Variants in POR observed in about 807,000 individuals in gnomAD.
The protein encoded by POR is NADPH--cytochrome P450 reductase.
In POR, 56 loss-of-function variants were observed where a neutral mutation model predicts 84.0. The observed-to-expected ratio is 0.67, with a 90% confidence interval of 0.54 to 0.83. POR has a LOEUF of 0.83. Ranked by LOEUF, POR falls within the 40% of genes least tolerant of loss-of-function variation. The probability of loss-of-function intolerance (pLI) is 0.00; values close to 1 mark genes in which losing one functional copy is unlikely to be tolerated. For synonymous variants in POR, 414 were observed against 400.5 expected (o/e 1.03, Z -0.40); for missense variants, 938 against 944.3 (o/e 0.99, Z 0.09).
intron 1 of POR, chr7:75,918,557 ATCT>A (rs1806691490): frequency 6.6e-6 from 1 of 152,070 alleles, no homozygotes; most frequent in African/African-American, 2.4e-5. Flanking sequence ...GTCCTTCTTC[ATCT>A]TCTTGGCGCT....
intron 3 of POR, 131 bp from the exon 4 acceptor site, chr7:75,979,320 A>T: frequency 9.2e-7 from 1 of 1,085,442 alleles, no homozygotes; most frequent in Non-Finnish European, 1.3e-6. Context: ...GGAACTTAGA[A>T]GGGACTCAAA....
chr7:75,923,161 A>G, intron 1 of POR: 1 of 1,094,768 alleles, frequency 9.1e-7, no homozygotes, highest in Non-Finnish European at 1.4e-6. Flanking sequence ...CCAGAAACTC[A>G]TTTTGAAACG....
In POR at chr7:75,980,465, G is replaced by T. The variant is rs1003447223; in HGVS notation, c.493G>T (p.Asp165Tyr). 8.7e-6 allele frequency: 14 copies of T among 1,612,928 alleles called. No homozygotes were observed. Among genetic ancestry groups the T allele is most frequent in the Admixed American group, 1.7e-5 (1 of 59,990 alleles). Reference sequence around the variant, plus strand: ...CGACTGGCTGCAGGAGACAGACGTGGATCTCTCTGGGGTCAAGTTCGCGGT... The same window carrying T: ...CGACTGGCTGCAGGAGACAGACGTGTATCTCTCTGGGGTCAAGTTCGCGGT... The change falls in exon 5 of 16, where the codon GAT becomes TAT. Residue 165 changes from aspartate (D) to tyrosine (Y), a missense_variant. Coordinates refer to ENST00000461988, the MANE Select transcript of POR (RefSeq NM_000941.3).
At chr7:75,951,278 C>T (rs923435330) in intron 1 of POR, among the ~76,000 whole-genome samples, 2 of 151,796 alleles carry the variant, frequency 1.3e-5, no homozygotes, top group Admixed American at 6.6e-5. Flanking sequence ...CCCGTAGTCC[C>T]AGGTACCCTG....
chr7:75,973,571 G>A (rs1270622818), intron 3 of POR, among the ~76,000 whole-genome samples: 6 of 149,848 alleles, frequency 4.0e-5, no homozygotes, highest in Non-Finnish European at 7.4e-5. Flanking sequence ...TTCTGCCTCC[G>A]CCTCCCAAAG....
intron 2 of POR, among the ~76,000 whole-genome samples, chr7:75,969,240 C>T (rs1167617251): frequency 2.6e-5 from 4 of 152,210 alleles, no homozygotes; most frequent in Non-Finnish European, 5.9e-5. Flanking sequence ...AACCAAGTTC[C>T]CCAGTCAGGC....
At chr7:75,932,634 TATA>T (rs1194366231) in intron 1 of POR, among the ~76,000 whole-genome samples, 2 of 152,086 alleles carry the variant, frequency 1.3e-5, no homozygotes, top group African/African-American at 4.8e-5. Flanking sequence ...ATAGTGAAAA[TATA>T]ATGACATTTG....
At chr7:75,981,286 A>G (rs1789026154) in intron 6 of POR, 114 bp downstream of exon 6, 2 of 1,413,372 alleles carry the variant, frequency 1.4e-6, no homozygotes, top group African/African-American at 1.4e-5. Flanking sequence ...CGCACCTCCA[A>G]CACAGAGGGA....
At chr7:75,958,712 G>C (rs1787793839) in intron 2 of POR, among the ~76,000 whole-genome samples, 1 of 151,856 alleles carries the variant, frequency 6.6e-6, no homozygotes, top group Non-Finnish European at 1.5e-5. Context: ...TGGCATGGTG[G>C]CTCACGCCTG....
At chr7:75,976,551 G>C (rs1003011303) in intron 3 of POR, among the ~76,000 whole-genome samples, 17 of 151,764 alleles carry the variant, frequency 1.1e-4, no homozygotes, top group African/African-American at 3.9e-4. Context: ...TTTGAGACCA[G>C]CTGGACCAAC....
chr7:75,941,998 C>T (rs1025419773), intron 1 of POR, among the ~76,000 whole-genome samples: 1 of 150,240 alleles, frequency 6.7e-6, no homozygotes, highest in Non-Finnish European at 1.5e-5. Flanking sequence ...GTGGGAGGAT[C>T]GCTTGAGTCC....
intron 1 of POR, among the ~76,000 whole-genome samples, chr7:75,951,666 A>G (rs1461290689): frequency 6.6e-6 from 1 of 152,140 alleles, no homozygotes; most frequent in Admixed American, 6.5e-5. Context: ...CTGACACATG[A>G]CTAAGGCTTT....
chr7:75,982,812 G>A (rs898784042), intron 8 of POR, among the ~76,000 whole-genome samples: 7 of 152,208 alleles, frequency 4.6e-5, no homozygotes, highest in East Asian at 1.9e-4. Context: ...TGGCTGGAGC[G>A]AGAAGCCCTG....
intron 1 of POR, among the ~76,000 whole-genome samples, chr7:75,922,110 C>T (rs550194747): frequency 7.2e-5 from 11 of 152,248 alleles, no homozygotes; most frequent in African/African-American, 2.2e-4. Context: ...AGTGGCAATA[C>T]GGTTGGACTA....
intron 1 of POR, among the ~76,000 whole-genome samples, chr7:75,945,928 G>C (rs1457073963): frequency 6.6e-6 from 1 of 152,156 alleles, no homozygotes; most frequent in East Asian, 1.9e-4. Flanking sequence ...TGTTGCAAAT[G>C]GTTGGCCTCA....
At chr7:75,976,359 C>T (rs1788686469) in intron 3 of POR, among the ~76,000 whole-genome samples, 1 of 151,982 alleles carries the variant, frequency 6.6e-6, no homozygotes, top group Non-Finnish European at 1.5e-5. Flanking sequence ...AGGAGAATCA[C>T]TTGAACCCGG....
At chr7:75,951,993 G>A (rs1453306504) in intron 1 of POR, among the ~76,000 whole-genome samples, 2 of 150,882 alleles carry the variant, frequency 1.3e-5, no homozygotes, top group South Asian at 2.1e-4. Context: ...CCCGGACGGG[G>A]CGGCTGGCGG....
chr7:75,927,953 C>G (rs1441232104), intron 1 of POR, among the ~76,000 whole-genome samples: 1 of 145,318 alleles, frequency 6.9e-6, no homozygotes, highest in African/African-American at 2.5e-5. Flanking sequence ...TGCTCCCAGT[C>G]TCTATCTCAG....
chr7:75,985,825 G>A lies in POR; in HGVS notation c.1645G>A (p.Glu549Lys). The change falls in exon 13 of 16, where the codon GAG (glutamate) becomes AAG (lysine). Residue 549 changes from glutamate (E) to lysine (K), a missense_variant. Glu to Lys is a moderately conservative substitution (Grantham distance 56). Coordinates refer to ENST00000461988, the MANE Select transcript of POR (RefSeq NM_000941.3). ...GGCACCCTTCATAGGCTTCATCCAG[G>A]AGCGGGCCTGGCTGCGACAGCAGGG... is the stretch of plus-strand genomic sequence containing the variant. 1 of 1,554,182 alleles carries A rather than the reference G, an allele frequency of 6.4e-7. No individual in the cohort carries two copies. The highest frequency in any genetic ancestry group is 8.7e-7 in the Non-Finnish European group (1 of 1,146,806).
Sources: gnomAD v4.1 joint callset for allele counts (sites outside exome capture counted in the v4.1 genomes callset) on GRCh38, gnomAD v4.1.1 for gene constraint, MANE v1.5 for transcripts, NCBI Gene and HGNC (gene_info 2026-07-23, HGNC 2026-07-21) for gene names.